The following UNC13C variants were observed in gnomAD, a reference collection of about 807,000 sequenced individuals.
The protein encoded by UNC13C is protein unc-13 homolog C.
In UNC13C, 174 loss-of-function variants were observed where a neutral mutation model predicts 245.4. That is an observed-to-expected ratio of 0.71 (90% CI 0.63 to 0.80). The LOEUF (loss-of-function observed/expected upper bound fraction) is 0.80, where lower values mean the gene tolerates loss of function less well. Ranked by LOEUF, UNC13C falls within the 30% of genes least tolerant of loss-of-function variation. The pLI is 0.00. For missense variants in UNC13C, 2,829 were observed against 2,602.9 expected (o/e 1.09, Z -1.89); for synonymous variants, 992 against 895.1 (o/e 1.11, Z -1.93).
chr15:53,896,806 T>C, the UNC13C span, among the ~76,000 whole-genome samples: 1 of 152,166 alleles, frequency 6.6e-6, no homozygotes, highest in East Asian at 1.9e-4. Context: ...ATGTCTGGCA[T>C]CATCTTCCAT....
downstream of UNC13C, chr15:54,628,900 A>G (rs1040570591): frequency 1.3e-5 from 2 of 152,122 alleles, no homozygotes; most frequent in Admixed American, 6.6e-5. Flanking sequence ...TACAAACAGA[A>G]TTACCATTCG....
chr15:54,589,190 G>A (rs1019147156), intron 30 of UNC13C, among the ~76,000 whole-genome samples: 11 of 151,342 alleles, frequency 7.3e-5, no homozygotes, highest in Admixed American at 7.2e-4. Flanking sequence ...AGAGTAAGGT[G>A]GTATCGCATT....
chr15:54,153,423 T>C (rs780299158), intron 4 of UNC13C, among the ~76,000 whole-genome samples: 14 of 152,036 alleles, frequency 9.2e-5, no homozygotes, highest in Non-Finnish European at 1.8e-4. Context: ...CTTTTGGAGG[T>C]AGGTATGATA....
At chr15:54,033,602 G>A (rs941072039) in intron 2 of UNC13C, among the ~76,000 whole-genome samples, 8 of 152,254 alleles carry the variant, frequency 5.3e-5, no homozygotes, top group Non-Finnish European at 4.4e-5. Flanking sequence ...AATAAGTATT[G>A]TGAATAAAAT....
At chr15:54,214,082 T>G (rs1280248637) in intron 4 of UNC13C, among the ~76,000 whole-genome samples, 1 of 152,024 alleles carries the variant, frequency 6.6e-6, no homozygotes, top group Admixed American at 6.6e-5. Flanking sequence ...ACCCATTCCC[T>G]AATTGGCAGT....
intron 4 of UNC13C, among the ~76,000 whole-genome samples, chr15:54,177,343 A>C (rs937896641): frequency 1.4e-4 from 22 of 152,142 alleles, no homozygotes; most frequent in African/African-American, 4.8e-4. Flanking sequence ...GGTTCTTTAC[A>C]AGTTAAGACT....
At chr15:53,929,592 C>T in the UNC13C span, among the ~76,000 whole-genome samples, 23,459 of 152,168 alleles carry the variant, frequency 0.15, 2,156 homozygotes, top group Middle Eastern at 0.23. Context: ...GTAGGGCAGA[C>T]TACATTTAAT....
rs1338492009 is a variant in UNC13C at position 54,132,116 on chromosome 15, G to A, written c.2984-10902G>A. On this transcript the variant is annotated intron_variant, in intron 2 of 32. Transcript: ENST00000260323. ...GCGTCTTGCTCTGTCACCCAGGCTG[G>A]AGTGCAGTGGCACAATCTAGGCTCA... is the stretch of plus-strand genomic sequence containing the variant. Among the ~76,000 whole-genome samples the A allele has an allele frequency of 1.4e-4, 15 of 107,954 alleles. No individual in the cohort carries two copies. In the Admixed American group the frequency reaches 1.5e-3, roughly 11 times the overall value. 70.8% of individuals were successfully genotyped at this position (107,954 alleles called of 152,430 possible). A position where few individuals can be genotyped will look rare whatever the true frequency, so the allele number is the denominator to read the frequency against.
At chr15:54,286,510 G>A (rs2037153889) in intron 10 of UNC13C, among the ~76,000 whole-genome samples, 1 of 152,124 alleles carries the variant, frequency 6.6e-6, no homozygotes, top group Non-Finnish European at 1.5e-5. Flanking sequence ...ATTGAAGTCA[G>A]GCAATCAGGC....
intron 28 of UNC13C, among the ~76,000 whole-genome samples, chr15:54,551,597 T>A (rs1045192573): frequency 6.6e-6 from 1 of 152,108 alleles, no homozygotes; most frequent in Non-Finnish European, 1.5e-5. Flanking sequence ...ATTCACTGAA[T>A]TCTTTTTTAA....
chr15:54,057,779 A>G (rs1231696717), intron 2 of UNC13C, among the ~76,000 whole-genome samples: 2 of 152,236 alleles, frequency 1.3e-5, no homozygotes, highest in Non-Finnish European at 2.9e-5. Flanking sequence ...CCACAGTGCA[A>G]TCAAACTAGA....
At chr15:54,414,005 T>G (rs1030331778) in intron 18 of UNC13C, among the ~76,000 whole-genome samples, 1 of 152,194 alleles carries the variant, frequency 6.6e-6, no homozygotes. Flanking sequence ...GCTTATATTA[T>G]TAAGAGCCTT....
intron 24 of UNC13C, among the ~76,000 whole-genome samples, chr15:54,513,185 T>A (rs990176850): frequency 6.6e-6 from 1 of 152,166 alleles, no homozygotes; most frequent in African/African-American, 2.4e-5. Context: ...ATTTTACTGA[T>A]GTTTTATATT....
intron 30 of UNC13C, among the ~76,000 whole-genome samples, chr15:54,605,929 G>C (rs1196497745): frequency 1.3e-5 from 2 of 152,112 alleles, no homozygotes; most frequent in African/African-American, 2.4e-5. Context: ...AAATAAACTA[G>C]AGCCAAGTGT....
intron 22 of UNC13C, among the ~76,000 whole-genome samples, chr15:54,506,000 G>T (rs988262843): frequency 6.6e-6 from 1 of 152,086 alleles, no homozygotes; most frequent in Non-Finnish European, 1.5e-5. Context: ...TATCCAGCTT[G>T]CTCTTTCTTC....
the UNC13C span, among the ~76,000 whole-genome samples, chr15:53,887,089 T>C: frequency 1.3e-5 from 2 of 152,166 alleles, no homozygotes; most frequent in Non-Finnish European, 2.9e-5. Flanking sequence ...TCTGAGTAAC[T>C]ATGGACTTTG....
chr15:54,277,223 T>A (rs1287941304), intron 10 of UNC13C, among the ~76,000 whole-genome samples: 1 of 152,220 alleles, frequency 6.6e-6, no homozygotes, highest in Non-Finnish European at 1.5e-5. Context: ...GTCTTCATTA[T>A]ATGTTTGTTA....
At chr15:53,967,367 A>G in the UNC13C span, among the ~76,000 whole-genome samples, 1 of 150,932 alleles carries the variant, frequency 6.6e-6, no homozygotes, top group African/African-American at 2.4e-5. Flanking sequence ...TCGAATCGTC[A>G]TGAGTTGAAG....
At chr15:54,019,508 T>C (rs1018979375) in intron 2 of UNC13C, among the ~76,000 whole-genome samples, 1 of 152,232 alleles carries the variant, frequency 6.6e-6, no homozygotes, top group Non-Finnish European at 1.5e-5. Context: ...AATACTGTAC[T>C]ATAACAGCTG....
Sources: gnomAD v4.1 joint callset for allele counts (sites outside exome capture counted in the v4.1 genomes callset) on GRCh38, gnomAD v4.1.1 for gene constraint, MANE v1.5 for transcripts, NCBI Gene and HGNC (gene_info 2026-07-23, HGNC 2026-07-21) for gene names.